CEP20: variants seen among roughly 807,000 people sequenced by gnomAD.
The protein encoded by CEP20 is FGFR1OP N-terminal like.
Under a neutral mutation model 20.0 loss-of-function variants are expected in CEP20, and 18 were observed. The observed-to-expected ratio is 0.90, with a 90% confidence interval of 0.62 to 1.34. The LOEUF is 1.34. Ranked by LOEUF, CEP20 falls within the 40% of genes most tolerant of loss-of-function variation. The pLI is 0.00. For missense variants in CEP20, 215 were observed against 201.6 expected (o/e 1.07, Z -0.40); for synonymous variants, 77 against 73.7 (o/e 1.04, Z -0.23).
chr16:15,882,479 G>A lies in CEP20; in HGVS notation c.226+1529C>T, dbSNP rs143830745. On this transcript the variant is annotated intron_variant, in intron 2 of 4. Transcript: ENST00000255759. Reference sequence around the variant, plus strand: ...CAGGAGGTAGACGTTGCAGTGAGCCGAGATCAATCCACACTCCAGCCTGGG... The same window carrying A: ...CAGGAGGTAGACGTTGCAGTGAGCCAAGATCAATCCACACTCCAGCCTGGG... 4.3e-3 allele frequency among the ~76,000 whole-genome samples: 653 copies of A among 151,890 alleles called. 8 individuals are homozygous for A. Among genetic ancestry groups the A allele is most frequent in the African/African-American group, 0.015 (633 of 41,394 alleles).
chr16:15,871,913 T>G (rs1022070457), intron 4 of CEP20, among the ~76,000 whole-genome samples: 2 of 152,200 alleles, frequency 1.3e-5, no homozygotes, highest in African/African-American at 4.8e-5. Context: ...GCAATCCACA[T>G]TTTAGGCGTT....
chr16:15,881,109 A>G (rs11862427), intron 2 of CEP20, among the ~76,000 whole-genome samples: 34,244 of 152,074 alleles, frequency 0.23, 5,905 homozygotes, highest in African/African-American at 0.49. Context: ...CCATGAAACC[A>G]GTCCCTGGTG....
chr16:15,869,298 CTTCT>C (rs1395700603), intron 4 of CEP20, among the ~76,000 whole-genome samples: 1 of 127,442 alleles, frequency 7.8e-6, no homozygotes, highest in Non-Finnish European at 1.7e-5. Context: ...TTTGGACTTA[CTTCT>C]TTCTTTCCTT....
chr16:15,887,061 C>T (rs1567245637), intron 1 of CEP20, among the ~76,000 whole-genome samples: 2 of 151,532 alleles, frequency 1.3e-5, no homozygotes, highest in African/African-American at 2.4e-5. Context: ...ATGCCCGGCT[C>T]TTTTTTTTAA....
chr16:15,886,191 G>A (rs2151433869), intron 1 of CEP20: 1 of 152,348 alleles, frequency 6.6e-6, no homozygotes, highest in Admixed American at 6.5e-5. Context: ...GAGCCCAGGA[G>A]CTTATCCAAG....
chr16:15,884,835 G>A (rs117222041), intron 1 of CEP20, among the ~76,000 whole-genome samples: 94 of 152,184 alleles, frequency 6.2e-4, no homozygotes, highest in Non-Finnish European at 1.1e-3. Context: ...GGGAAAAGGC[G>A]GGGGATAGGA....
chr16:15,881,470 T>C (rs961327686), intron 2 of CEP20, among the ~76,000 whole-genome samples: 2 of 152,216 alleles, frequency 1.3e-5, no homozygotes, highest in Non-Finnish European at 2.9e-5. Context: ...GTATGTTTAA[T>C]ATTAAATAAA....
chr16:15,888,464 C>T, intron 1 of CEP20, 94 bp downstream of exon 1: 1 of 1,538,066 alleles, frequency 6.5e-7, no homozygotes, highest in Non-Finnish European at 8.9e-7. Flanking sequence ...TAAAAGCCAA[C>T]CCATGTGTTC....
intron 4 of CEP20, among the ~76,000 whole-genome samples, chr16:15,870,619 G>C (rs7184276): frequency 0.067 from 10,132 of 152,024 alleles, 463 homozygotes; most frequent in East Asian, 0.22. Flanking sequence ...AGGTGGGAGA[G>C]TAGCCTGGGC....
chr16:15,877,975 T>G (rs1283954235), intron 3 of CEP20, among the ~76,000 whole-genome samples: 1 of 151,558 alleles, frequency 6.6e-6, no homozygotes, highest in African/African-American at 2.4e-5. Context: ...CAGAATCAGT[T>G]GAACCCAGGA....
In CEP20 at chr16:15,888,574, C is replaced by T. The variant is rs370555988; in HGVS notation, c.12G>A (p.Val4=). The change falls in exon 1 of 5, where the codon GTG becomes GTA. Residue 4 remains valine (V), a synonymous_variant. Transcript: ENST00000255759. ...CGCACTCACCAGCCTTCAACTCTGC[C>T]ACAGTCGCCATTTTTCAACGGCCGC... MAT[V]AELKAVLKDT... is the part of the protein sequence containing the mutation. 30 of 1,614,180 alleles carry T rather than the reference C, an allele frequency of 1.9e-5. No individual in the cohort carries two copies. In the African/African-American group the frequency reaches 2.8e-4, roughly 15 times the overall value.
intron 4 of CEP20, among the ~76,000 whole-genome samples, chr16:15,869,531 G>A (rs1368812546): frequency 6.6e-6 from 1 of 151,954 alleles, no homozygotes; most frequent in Non-Finnish European, 1.5e-5. Context: ...GGCTGGTCTC[G>A]AACTCCTGAC....
chr16:15,869,107 GTATATA>G (rs572551425), intron 4 of CEP20, among the ~76,000 whole-genome samples: 1 of 150,674 alleles, frequency 6.6e-6, no homozygotes, highest in Non-Finnish European at 1.5e-5. Flanking sequence ...GTGTGTGTGT[GTATATA>G]TATATAAAGT....
At chr16:15,877,612 C>T (rs960402445) in intron 3 of CEP20, among the ~76,000 whole-genome samples, 1 of 152,000 alleles carries the variant, frequency 6.6e-6, no homozygotes, top group Non-Finnish European at 1.5e-5. Context: ...AAAAAAAATA[C>T]AAAAATTGGC....
chr16:15,882,555 C>G (rs1241688604), intron 2 of CEP20, among the ~76,000 whole-genome samples: 1 of 150,524 alleles, frequency 6.6e-6, no homozygotes, highest in Non-Finnish European at 1.5e-5. Flanking sequence ...AACAAACATA[C>G]AAAAAAACCT....
chr16:15,867,172 C>T lies in CEP20; in HGVS notation c.*268G>A, dbSNP rs894767903. ...GCAGTGAGCCGAGATCGTGCCACTGCACTCCAGTCTGGGTGACAGAGCGAG... is the reference window on the plus strand; with the variant it reads ...GCAGTGAGCCGAGATCGTGCCACTGTACTCCAGTCTGGGTGACAGAGCGAG... On this transcript the variant is annotated 3_prime_UTR_variant, in exon 5 of 5. Transcript: ENST00000255759. 2 of 256,032 alleles carry T rather than the reference C, an allele frequency of 7.8e-6. No homozygotes were observed. Among genetic ancestry groups the T allele is most frequent in the Admixed American group, 1.0e-4 (2 of 19,958 alleles). The allele number at this position is 256,032 out of a possible 1,614,324, so 15.9% of individuals were successfully genotyped here.
chr16:15,887,893 G>T (rs1465165656), intron 1 of CEP20, among the ~76,000 whole-genome samples: 1 of 151,730 alleles, frequency 6.6e-6, no homozygotes, highest in African/African-American at 2.4e-5. Context: ...CCAGGAGTTC[G>T]ACAGTAAGAC....
chr16:15,872,026 A>G (rs1270070538), intron 4 of CEP20, among the ~76,000 whole-genome samples: 1 of 152,172 alleles, frequency 6.6e-6, no homozygotes, highest in Non-Finnish European at 1.5e-5. Flanking sequence ...AAAATTGACC[A>G]GCTCTTGGTT....
chr16:15,882,979 CAGG>C (rs1406179187), intron 2 of CEP20: 2 of 151,980 alleles, frequency 1.3e-5, no homozygotes, highest in African/African-American at 4.8e-5. Context: ...GAGGCTGAGG[CAGG>C]AGAACTGCTT....
Sources: gnomAD v4.1 joint callset for allele counts (sites outside exome capture counted in the v4.1 genomes callset) on GRCh38, gnomAD v4.1.1 for gene constraint, MANE v1.5 for transcripts, NCBI Gene and HGNC (gene_info 2026-07-23, HGNC 2026-07-21) for gene names.